PTPRR: variants seen among roughly 807,000 people sequenced by gnomAD.
The protein encoded by PTPRR is protein tyrosine phosphatase receptor type R, also known as receptor-type tyrosine-protein phosphatase R.
In PTPRR, 38 loss-of-function variants were observed where a neutral mutation model predicts 77.2. The observed-to-expected ratio is 0.49, with a 90% confidence interval of 0.38 to 0.65. PTPRR has a LOEUF of 0.65. Ranked by LOEUF, PTPRR falls within the 30% of genes least tolerant of loss-of-function variation. The pLI is 0.00. For synonymous variants in PTPRR, 299 were observed against 283.1 expected (o/e 1.06, Z -0.57); for missense variants, 744 against 799.2 (o/e 0.93, Z 0.83).
intron 6 of PTPRR, among the ~76,000 whole-genome samples, chr12:70,722,320 C>T (rs371771213): frequency 1.9e-4 from 29 of 152,160 alleles, no homozygotes; most frequent in African/African-American, 5.6e-4. Context: ...TGCATTGTTA[C>T]CTTCCTTCAT....
At chr12:70,771,826 G>A (rs1400975724) in intron 2 of PTPRR, among the ~76,000 whole-genome samples, 1 of 152,114 alleles carries the variant, frequency 6.6e-6, no homozygotes, top group Non-Finnish European at 1.5e-5. Context: ...GTGATTTGCT[G>A]CCAGTGCAAG....
At chr12:70,864,952 C>G (rs1209393193) in intron 2 of PTPRR, among the ~76,000 whole-genome samples, 2 of 152,060 alleles carry the variant, frequency 1.3e-5, no homozygotes, top group Non-Finnish European at 2.9e-5. Flanking sequence ...GCTGGGATTA[C>G]AGGCGTGCGT....
rs1044012754 is a variant in PTPRR, at chr12:70,711,432, C to G, written c.1008-10109G>C. Among the ~76,000 whole-genome samples, 3 of 151,870 alleles carry G rather than the reference C, an allele frequency of 2.0e-5. No individual in the cohort carries two copies. In the East Asian group the frequency reaches 5.8e-4, roughly 29 times the overall value. On this transcript the variant is annotated intron_variant, in intron 6 of 13. Coordinates refer to ENST00000283228, the MANE Select transcript of PTPRR (RefSeq NM_002849.4). ...GGAGGAAGAGGATCAGGAAAAATAA[C>G]TAAGGGGTAGTAGGATTATTTAGTA...
intron 6 of PTPRR, among the ~76,000 whole-genome samples, chr12:70,721,856 A>G (rs1248828867): frequency 6.6e-6 from 1 of 152,148 alleles, no homozygotes; most frequent in Non-Finnish European, 1.5e-5. Flanking sequence ...TGATTATTGG[A>G]ACTGGCAGGT....
chr12:70,768,456 C>T (rs1280998035), intron 2 of PTPRR, among the ~76,000 whole-genome samples: 1 of 152,070 alleles, frequency 6.6e-6, no homozygotes, highest in African/African-American at 2.4e-5. Context: ...AAGACTAAAC[C>T]AGGAAGAAGT....
intron 7 of PTPRR, among the ~76,000 whole-genome samples, chr12:70,699,465 G>A (rs1321555755): frequency 6.6e-6 from 1 of 152,038 alleles, no homozygotes; most frequent in African/African-American, 2.4e-5. Flanking sequence ...TTTATTTTTA[G>A]AGATGGGATC....
chr12:70,826,845 G>A (rs1237865764), intron 2 of PTPRR, among the ~76,000 whole-genome samples: 1 of 152,092 alleles, frequency 6.6e-6, no homozygotes, highest in Non-Finnish European at 1.5e-5. Context: ...AGGCTCTATT[G>A]GATCTGATCC....
chr12:70,864,911 A>C (rs999537914), intron 2 of PTPRR, among the ~76,000 whole-genome samples: 8 of 152,106 alleles, frequency 5.3e-5, no homozygotes, highest in Non-Finnish European at 8.8e-5. Flanking sequence ...TCCCGGGTTC[A>C]AGTGATTCTC....
At chr12:70,682,279 G>A (rs1465614914) in intron 10 of PTPRR, among the ~76,000 whole-genome samples, 14 of 151,504 alleles carry the variant, frequency 9.2e-5, no homozygotes, top group Admixed American at 9.2e-4. Flanking sequence ...TCCTGACCTC[G>A]TGATCCGCCC....
At chr12:70,731,829 C>T (rs1010868046) in intron 6 of PTPRR, among the ~76,000 whole-genome samples, 1 of 152,188 alleles carries the variant, frequency 6.6e-6, no homozygotes, top group African/African-American at 2.4e-5. Flanking sequence ...AAAACAAAAA[C>T]GAATAAGCTC....
intron 1 of PTPRR, among the ~76,000 whole-genome samples, chr12:70,915,796 G>C (rs1250444953): frequency 6.6e-6 from 1 of 152,172 alleles, no homozygotes; most frequent in African/African-American, 2.4e-5. Context: ...CATTCCAGAA[G>C]TGGCTAAGTG....
chr12:70,727,041 A>G (rs1889465915), intron 6 of PTPRR, among the ~76,000 whole-genome samples: 1 of 152,140 alleles, frequency 6.6e-6, no homozygotes, highest in Admixed American at 6.6e-5. Context: ...TAAAATTCCT[A>G]TCTAGTATTA....
chr12:70,880,343 G>T (rs1893127790), intron 2 of PTPRR, among the ~76,000 whole-genome samples: 1 of 151,946 alleles, frequency 6.6e-6, no homozygotes, highest in Non-Finnish European at 1.5e-5. Context: ...GCCTAATTTG[G>T]GATCCTAACA....
intron 1 of PTPRR, 39 bp from the exon 2 acceptor site, chr12:70,893,016 T>TA (rs1013452166): frequency 3.8e-6 from 6 of 1,588,032 alleles, no homozygotes; most frequent in Non-Finnish European, 5.2e-6. Context: ...TCAAAGACCC[T>TA]ATTCAGTAAG....
chr12:70,868,702 A>G (rs1024617813), intron 2 of PTPRR, among the ~76,000 whole-genome samples: 4 of 152,062 alleles, frequency 2.6e-5, no homozygotes, highest in Admixed American at 2.0e-4. Flanking sequence ...TACCCAAAGG[A>G]TTATAAATCA....
At chr12:70,765,058 G>C (rs1890783430) in intron 2 of PTPRR, among the ~76,000 whole-genome samples, 3 of 152,204 alleles carry the variant, frequency 2.0e-5, no homozygotes, top group Admixed American at 2.0e-4. Flanking sequence ...AACAGCTCCA[G>C]TCTACAGCTC....
At chr12:70,702,868 C>A (rs1473743794) in intron 6 of PTPRR, among the ~76,000 whole-genome samples, 1 of 151,978 alleles carries the variant, frequency 6.6e-6, no homozygotes, top group African/African-American at 2.4e-5. Flanking sequence ...TCGAGATAAA[C>A]ACTACATCAT....
chr12:70,825,011 G>A (rs1162179810), intron 2 of PTPRR, among the ~76,000 whole-genome samples: 3 of 152,270 alleles, frequency 2.0e-5, no homozygotes, highest in East Asian at 3.9e-4. Context: ...TAGGCTGGGC[G>A]CGTTGGCTCA....
At chr12:70,726,264 T>C in intron 6 of PTPRR, among the ~76,000 whole-genome samples, 1 of 152,054 alleles carries the variant, frequency 6.6e-6, no homozygotes, top group East Asian at 1.9e-4. Flanking sequence ...TAGGGCAAAA[T>C]CAGGCTTAAA....
Sources: gnomAD v4.1 joint callset for allele counts (sites outside exome capture counted in the v4.1 genomes callset) on GRCh38, gnomAD v4.1.1 for gene constraint, MANE v1.5 for transcripts, NCBI Gene and HGNC (gene_info 2026-07-23, HGNC 2026-07-21) for gene names.